SGCZ: variants seen among roughly 807,000 people sequenced by gnomAD.
SGCZ encodes the protein sarcoglycan zeta.
SGCZ carries 40 observed loss-of-function variants against 41.3 expected under a neutral mutation model. The observed-to-expected ratio is 0.97, with a 90% CI of 0.75 to 1.26. The LOEUF (loss-of-function observed/expected upper bound fraction) is 1.26. Ranked by LOEUF, SGCZ falls within the 50% of genes most tolerant of loss-of-function variation. SGCZ has a pLI of 0.00. For synonymous variants in SGCZ, 206 were observed against 137.5 expected, an observed-to-expected ratio of 1.50 and a Z score of -3.49; for missense variants, 552 against 369.8, an observed-to-expected ratio of 1.49 and a Z score of -4.04.
chr8:14,204,557 G>A (rs1260955361), intron 4 of SGCZ, among the ~76,000 whole-genome samples: 2 of 152,056 alleles, frequency 1.3e-5, no homozygotes, highest in Non-Finnish European at 2.9e-5. Flanking sequence ...CTTGAGAGCT[G>A]GTAAAGCATT....
intron 1 of SGCZ, among the ~76,000 whole-genome samples, chr8:14,641,871 C>T (rs999442847): frequency 6.6e-6 from 1 of 151,572 alleles, no homozygotes; most frequent in Non-Finnish European, 1.5e-5. Flanking sequence ...CTATTCTTTG[C>T]AGTGGTAGGT....
intron 2 of SGCZ, among the ~76,000 whole-genome samples, chr8:14,553,635 A>G (rs957700714): frequency 1.3e-4 from 20 of 152,084 alleles, no homozygotes; most frequent in African/African-American, 4.6e-4. Flanking sequence ...CTCCTTGCTC[A>G]CATAATTGTG....
intron 2 of SGCZ, among the ~76,000 whole-genome samples, chr8:14,400,339 G>A (rs1799037035): frequency 6.6e-6 from 1 of 152,092 alleles, no homozygotes; most frequent in Non-Finnish European, 1.5e-5. Flanking sequence ...AAGATTTTGT[G>A]TGGATATATG....
intron 1 of SGCZ, among the ~76,000 whole-genome samples, chr8:14,774,241 A>G (rs1312485697): frequency 6.6e-6 from 1 of 152,176 alleles, no homozygotes; most frequent in African/African-American, 2.4e-5. Flanking sequence ...ATGAACTGCT[A>G]TATTGTCTCT....
rs115001902 is a variant in SGCZ at position 14,634,990 on chromosome 8, G to A, written c.40-80064C>T. Among the ~76,000 whole-genome samples, 1,336 of 151,608 alleles carry A rather than the reference G, an allele frequency of 8.8e-3. 17 individuals are homozygous for A. The highest frequency in any genetic ancestry group is 0.031 in the African/African-American group (1,266 of 41,430). ...GATATTTAAATGATTCTTTGGAGGG[G>A]TAATTAACTTTTATACATAGGCTTT... On this transcript the variant is annotated intron_variant, in intron 1 of 7. Coordinates refer to ENST00000382080, the MANE Select transcript of SGCZ (RefSeq NM_139167.4).
At chr8:15,226,240 C>T (rs1801768885) in intron 1 of SGCZ, among the ~76,000 whole-genome samples, 1 of 152,148 alleles carries the variant, frequency 6.6e-6, no homozygotes, top group Non-Finnish European at 1.5e-5. Context: ...GTCTTTGGGC[C>T]ACCTCACAGG....
chr8:14,753,855 A>G (rs548754878), intron 1 of SGCZ, among the ~76,000 whole-genome samples: 43 of 152,314 alleles, frequency 2.8e-4, no homozygotes, highest in African/African-American at 9.1e-4. Context: ...CAATCATGCA[A>G]TCACCTGCCC....
intron 3 of SGCZ, among the ~76,000 whole-genome samples, chr8:14,283,875 A>T (rs1033298946): frequency 5.3e-5 from 8 of 152,236 alleles, no homozygotes; most frequent in Non-Finnish European, 1.0e-4. Context: ...AGTTTACATT[A>T]AAAAAATTTC....
intron 2 of SGCZ, among the ~76,000 whole-genome samples, chr8:14,336,248 A>C (rs1802501410): frequency 6.6e-6 from 1 of 152,148 alleles, no homozygotes; most frequent in African/African-American, 2.4e-5. Context: ...ACATGATATC[A>C]TTCTTATTTT....
At chr8:14,559,609 T>C (rs756264560) in intron 1 of SGCZ, among the ~76,000 whole-genome samples, 1 of 152,050 alleles carries the variant, frequency 6.6e-6, no homozygotes, top group African/African-American at 2.4e-5. Flanking sequence ...AATTATTTGG[T>C]TTTCCATCTT....
intron 2 of SGCZ, among the ~76,000 whole-genome samples, chr8:14,400,761 T>A (rs201581675): frequency 2.0e-5 from 1 of 48,896 alleles, no homozygotes; most frequent in Non-Finnish European, 3.8e-5. Flanking sequence ...ATCAATAGTA[T>A]TTTTTTTTAC....
intron 1 of SGCZ, among the ~76,000 whole-genome samples, chr8:15,206,169 C>T (rs951112022): frequency 7.2e-5 from 11 of 152,020 alleles, no homozygotes; most frequent in African/African-American, 2.2e-4. Context: ...ATATGTATGC[C>T]GGAACCTAAA....
chr8:14,704,524 T>C (rs1809266472), intron 1 of SGCZ, among the ~76,000 whole-genome samples: 1 of 152,096 alleles, frequency 6.6e-6, no homozygotes, highest in Non-Finnish European at 1.5e-5. Flanking sequence ...GAGAAAGGTG[T>C]GTTTTTCAGA....
rs201883145 is a variant in SGCZ at position 14,090,552 on chromosome 8, C to A, written c.830G>T (p.Arg277Leu). ...GACGCAGAGTTCATACACTGTCTGT[C>A]GAGAACTTGAGGAGCTGGGTGAAGA... is the stretch of plus-strand genomic sequence containing the variant. ...SSSSPSSSSS[R>L]QTVYELCVCP... The change falls in exon 8 of 8, where the codon CGA (arginine) becomes CTA (leucine). Residue 277 changes from arginine to leucine, a missense_variant. Arg to Leu is a moderately radical substitution (Grantham distance 102). Coordinates refer to ENST00000382080, the MANE Select transcript of SGCZ (RefSeq NM_139167.4). 7.4e-6 allele frequency: 12 copies of A among 1,612,816 alleles called. No homozygotes were observed. In the South Asian group the frequency reaches 1.1e-4, roughly 15 times the overall value.
chr8:15,149,391 G>C (rs1282564519), intron 1 of SGCZ, among the ~76,000 whole-genome samples: 1 of 152,110 alleles, frequency 6.6e-6, no homozygotes, highest in Non-Finnish European at 1.5e-5. Flanking sequence ...GTCCCCACCA[G>C]ATAGGACTAT....
intron 1 of SGCZ, among the ~76,000 whole-genome samples, chr8:14,593,820 G>A (rs1805316704): frequency 6.6e-6 from 1 of 152,136 alleles, no homozygotes; most frequent in Non-Finnish European, 1.5e-5. Flanking sequence ...GTACTTATTT[G>A]AGAAGTCAGC....
intron 1 of SGCZ, among the ~76,000 whole-genome samples, chr8:14,594,279 A>T (rs2117293482): frequency 6.6e-6 from 1 of 152,176 alleles, no homozygotes; most frequent in Non-Finnish European, 1.5e-5. Flanking sequence ...TTGACTTGAC[A>T]GCCAAGGATT....
chr8:14,847,487 G>A (rs1803169153), intron 1 of SGCZ, among the ~76,000 whole-genome samples: 1 of 147,126 alleles, frequency 6.8e-6, no homozygotes, highest in South Asian at 2.2e-4. Flanking sequence ...GTGAATCTAT[G>A]TAATTCACCA....
Position 14,164,709 on chromosome 8 carries a change from T to G in SGCZ, c.425-7A>C. The G allele has an allele frequency of 7.4e-6, 12 of 1,612,892 alleles. No individual in the cohort carries two copies. The highest frequency in any genetic ancestry group is 1.0e-5 in the Non-Finnish European group (12 of 1,179,416). On this transcript the variant is annotated splice_region_variant and splice_polypyrimidine_tract_variant and intron_variant, in intron 4 of 7. Coordinates refer to ENST00000382080, the MANE Select transcript of SGCZ (RefSeq NM_139167.4). ...GCTTCCACAGCATCAGCTCCTATGG[T>G]CAGAGGAAAGGTTTAAAAATGAAAC...
Sources: allele counts gnomAD v4.1 joint callset (sites outside exome capture counted in the v4.1 genomes callset), GRCh38; gene constraint gnomAD v4.1.1; transcripts MANE v1.5; gene names NCBI Gene and HGNC (gene_info 2026-07-23, HGNC 2026-07-21).